SPNS2: variants seen among roughly 807,000 people sequenced by gnomAD.
SPNS2 encodes the protein SPNS lysolipid transporter 2, sphingosine-1-phosphate.
A neutral mutation model predicts 57.6 loss-of-function variants in SPNS2; 37 were observed. The observed-to-expected ratio is 0.64, with a 90% CI of 0.49 to 0.85. The LOEUF (loss-of-function observed/expected upper bound fraction) is 0.85, where lower values mean the gene tolerates loss of function less well. Ranked by LOEUF, SPNS2 falls within the 40% of genes least tolerant of loss-of-function variation. The probability of loss-of-function intolerance (pLI) is 0.00; values close to 1 mark genes in which losing one functional copy is unlikely to be tolerated. For missense variants in SPNS2, 831 were observed against 779.1 expected (o/e 1.07, Z -0.79); for synonymous variants, 440 against 346.9 (o/e 1.27, Z -2.98).
intron 2 of SPNS2, among the ~76,000 whole-genome samples, chr17:4,522,302 A>G (rs1295511154): frequency 6.6e-6 from 1 of 152,230 alleles, no homozygotes; most frequent in Non-Finnish European, 1.5e-5. Flanking sequence ...GAGACACAGA[A>G]TGGCTGTGGC....
At position 4,536,251 on chromosome 17, in the gene SPNS2, A is replaced by G; in HGVS notation, c.1444-12A>G. Reference sequence around the variant, plus strand: ...GGGCTCTGCCCTGACATCCACCCCCAAATCCTCGCAGATCTCAGACCTGAT... The same window carrying G: ...GGGCTCTGCCCTGACATCCACCCCCGAATCCTCGCAGATCTCAGACCTGAT... On this transcript the variant is annotated splice_polypyrimidine_tract_variant and intron_variant, in intron 10 of 12. Coordinates refer to ENST00000329078, the MANE Select transcript of SPNS2 (RefSeq NM_001124758.3). The G allele has an allele frequency of 6.2e-7, 1 of 1,611,070 alleles. No homozygotes were observed. Among genetic ancestry groups the G allele is most frequent in the Non-Finnish European group, 8.5e-7 (1 of 1,179,238 alleles).
At chr17:4,533,992 G>A (rs1905631864) in intron 9 of SPNS2, 139 bp downstream of exon 9, 3 of 834,538 alleles carry the variant, frequency 3.6e-6, no homozygotes, top group Non-Finnish European at 5.8e-6. Flanking sequence ...CCCAGAGGCA[G>A]GGAGGGGATC....
At chr17:4,524,178 C>T (rs907710926) in intron 2 of SPNS2, among the ~76,000 whole-genome samples, 4 of 151,982 alleles carry the variant, frequency 2.6e-5, no homozygotes, top group Non-Finnish European at 4.4e-5. Context: ...CTCTTCCCCT[C>T]TCTGAGCTTC....
At chr17:4,532,949 TCA>T (rs1905561482) in intron 6 of SPNS2, 26 bp from the exon 7 acceptor site, 1 of 1,597,542 alleles carries the variant, frequency 6.3e-7, no homozygotes, top group Admixed American at 1.7e-5. Context: ...GTCCCTGAGC[TCA>T]GTGTCACTGC....
In SPNS2 at chr17:4,510,725, T is replaced by C. The variant is rs1053640319; in HGVS notation, c.371-2522T>C. ...CCGACACCAAAATCGTGACTGTCCC[T>C]GCTCTGAGTCCTGGAGATGACCGGC... On this transcript the variant is annotated intron_variant, in intron 1 of 12. Coordinates refer to ENST00000329078, the MANE Select transcript of SPNS2 (RefSeq NM_001124758.3). The surrounding 1 kb of genome is among the most constrained non-coding windows in gnomAD (Gnocchi z 4.4). Among the ~76,000 whole-genome samples, 1 of 152,178 alleles carries C rather than the reference T, an allele frequency of 6.6e-6. No individual in the cohort carries two copies. Among genetic ancestry groups the C allele is most frequent in the Non-Finnish European group, 1.5e-5 (1 of 68,030 alleles).
rs541994874 is a variant in SPNS2, at chr17:4,510,887, C to T, written c.371-2360C>T. 5.3e-5 allele frequency among the ~76,000 whole-genome samples: 8 copies of T among 152,266 alleles called. No homozygotes were observed. Among genetic ancestry groups the T allele is most frequent in the Admixed American group, 3.3e-4 (5 of 15,294 alleles). ...CGCAGAAGGCAGCGTGGCAGGAGAA[C>T]GAGCTTTGGTTTTTGGCAATAGACC... On this transcript the variant is annotated intron_variant, in intron 1 of 12. Transcript: ENST00000329078. The surrounding 1 kb of genome is among the most constrained non-coding windows in gnomAD (Gnocchi z 4.4).
intron 2 of SPNS2, among the ~76,000 whole-genome samples, chr17:4,517,716 G>A (rs1225460036): frequency 6.6e-6 from 1 of 152,152 alleles, no homozygotes; most frequent in Non-Finnish European, 1.5e-5. Context: ...GGAGTCAGCT[G>A]ACCCTGAAGA....
intron 8 of SPNS2, 133 bp from the exon 9 acceptor site, chr17:4,533,655 T>C: frequency 1.8e-6 from 2 of 1,103,426 alleles, no homozygotes; most frequent in South Asian, 1.4e-5. Flanking sequence ...GGATAGCCCA[T>C]GAATGGATGT....
intron 6 of SPNS2, 140 bp from the exon 7 acceptor site, chr17:4,532,837 T>G: frequency 6.9e-7 from 1 of 1,459,624 alleles, no homozygotes; most frequent in Non-Finnish European, 9.2e-7. Context: ...CAGAATCGAT[T>G]ATTCCTGCAG....
rs1449944759 is a variant in SPNS2 at position 4,520,326 on chromosome 17, G to A, written c.437-4731G>A. Among the ~76,000 whole-genome samples, 4 of 152,316 alleles carry A rather than the reference G, an allele frequency of 2.6e-5. No homozygotes were observed. The East Asian group carries it at 7.7e-4, about 29-fold the overall frequency. ...GTGAGGAGCCAGAAACCAGGGAGGG[G>A]TTGAAAGAGCTAAGAAGGGCCCGTG... is the stretch of plus-strand genomic sequence containing the variant. On this transcript the variant is annotated intron_variant, in intron 2 of 12. Transcript: ENST00000329078.
rs115283978 is a variant in SPNS2 at position 4,506,961 on chromosome 17, G to A, written c.371-6286G>A. On this transcript the variant is annotated intron_variant, in intron 1 of 12. Transcript: ENST00000329078. ...GCTCCTGAAGATCACAGCCTCCTGC[G>A]GGCAGACGGGGGCAGGATCTTGCCC... Among the ~76,000 whole-genome samples, 828 of 152,300 alleles carry A rather than the reference G, an allele frequency of 5.4e-3. 5 individuals are homozygous for A. The highest frequency in any genetic ancestry group is 0.018 in the South Asian group (86 of 4,830).
At chr17:4,517,233 A>G (rs181389128) in intron 2 of SPNS2, among the ~76,000 whole-genome samples, 6 of 152,274 alleles carry the variant, frequency 3.9e-5, no homozygotes, top group Admixed American at 2.6e-4. Flanking sequence ...TTCCTTCCCC[A>G]TAGAGGCCCC....
In SPNS2 at chr17:4,525,381, C is replaced by T. The variant is rs759745267; in HGVS notation, c.573+188C>T. On this transcript the variant is annotated intron_variant, in intron 3 of 12. Coordinates refer to ENST00000329078, the MANE Select transcript of SPNS2 (RefSeq NM_001124758.3). ...TTATAAACCAGCCCTGCGGCTGGGG[C>T]CTTCCCCACGCTGGCCTGACCTGAG... is the stretch of plus-strand genomic sequence containing the variant. Among the ~76,000 whole-genome samples, 3 of 152,254 alleles carry T rather than the reference C, an allele frequency of 2.0e-5. 1 individual carries two copies. The South Asian group carries it at 6.2e-4, about 31-fold the overall frequency.
Position 4,511,989 on chromosome 17 carries a change from T to C in SPNS2, c.371-1258T>C, listed in dbSNP as rs1468602480. ...TTTGAGCCCACAGCCTGACTTCCTA[T>C]GCTCCAGTTTCCTCATCTGTCAACT... On this transcript the variant is annotated intron_variant, in intron 1 of 12. Coordinates refer to ENST00000329078, the MANE Select transcript of SPNS2 (RefSeq NM_001124758.3). The surrounding 1 kb of genome is among the most constrained non-coding windows in gnomAD (Gnocchi z 4.6). Among the ~76,000 whole-genome samples the C allele has an allele frequency of 6.6e-6, 1 of 152,218 alleles. No homozygotes were observed. Among genetic ancestry groups the C allele is most frequent in the African/African-American group, 2.4e-5 (1 of 41,460 alleles).
chr17:4,513,927 C>G (rs960700806), intron 2 of SPNS2, among the ~76,000 whole-genome samples: 1 of 152,254 alleles, frequency 6.6e-6, no homozygotes, highest in African/African-American at 2.4e-5. Flanking sequence ...AGAGCAGGGC[C>G]TGAGCCCCCA....
chr17:4,528,428 T>C (rs1905325037), intron 3 of SPNS2, among the ~76,000 whole-genome samples: 1 of 152,184 alleles, frequency 6.6e-6, no homozygotes, highest in Non-Finnish European at 1.5e-5. Flanking sequence ...CAGGATAAGA[T>C]GCGTGGAGGG....
intron 9 of SPNS2, 128 bp downstream of exon 9, chr17:4,533,981 A>C: frequency 1.1e-6 from 1 of 895,192 alleles, no homozygotes; most frequent in Non-Finnish European, 1.8e-6. Context: ...AGGAACGTGA[A>C]CCCAGAGGCA....
rs748351353 is a variant in SPNS2 at position 4,530,615 on chromosome 17, T to C, written c.574-17T>C. ...GTGGGTAGTCGGTCCCCCAGCATCCTCCACCCCTCCTCACAGTACTTCTGG... is the reference window on the plus strand; with the variant it reads ...GTGGGTAGTCGGTCCCCCAGCATCCCCCACCCCTCCTCACAGTACTTCTGG... On this transcript the variant is annotated splice_polypyrimidine_tract_variant and intron_variant, in intron 3 of 12. Coordinates refer to ENST00000329078, the MANE Select transcript of SPNS2 (RefSeq NM_001124758.3). The C allele has an allele frequency of 6.2e-7, 1 of 1,605,934 alleles. No individual in the cohort carries two copies. Among genetic ancestry groups the C allele is most frequent in the African/African-American group, 1.3e-5 (1 of 74,690 alleles).
intron 3 of SPNS2, among the ~76,000 whole-genome samples, chr17:4,529,388 G>C (rs1905362422): frequency 6.6e-6 from 1 of 151,892 alleles, no homozygotes; most frequent in Admixed American, 6.6e-5. Flanking sequence ...CCTCATGTTT[G>C]TTCTTTAAAA....
Sources: gnomAD v4.1 joint callset for allele counts (sites outside exome capture counted in the v4.1 genomes callset) on GRCh38, gnomAD v4.1.1 for gene constraint, Gnocchi (gnomAD v3.1) non-coding constraint, MANE v1.5 for transcripts, NCBI Gene and HGNC (gene_info 2026-07-23, HGNC 2026-07-21) for gene names.